The following GAS2L3 variants were observed in gnomAD, a reference collection of about 807,000 sequenced individuals.
GAS2L3 encodes growth arrest specific 2 like 3.
Under a neutral mutation model 37.0 loss-of-function variants are expected in GAS2L3, and 28 were observed. The observed-to-expected ratio is 0.76, with a 90% confidence interval of 0.56 to 1.04. GAS2L3 has a LOEUF of 1.04. Ranked by LOEUF, GAS2L3 falls within the 50% of genes least tolerant of loss-of-function variation. The pLI, the probability that GAS2L3 is intolerant of heterozygous loss-of-function variation, is 0.00. For missense variants in GAS2L3, 793 were observed against 817.6 expected, an observed-to-expected ratio of 0.97 and a Z score of 0.37; for synonymous variants, 290 against 296.6, an observed-to-expected ratio of 0.98 and a Z score of 0.23.
chr12:100,578,773 C>A (rs528004979), intron 1 of GAS2L3: 58 of 577,818 alleles, frequency 1.0e-4, no homozygotes, highest in Non-Finnish European at 1.6e-4. Context: ...GTGGGCATGG[C>A]CAGCCTCCCT....
chr12:100,574,449 C>G (rs928355454), intron 1 of GAS2L3, among the ~76,000 whole-genome samples: 6 of 152,136 alleles, frequency 3.9e-5, no homozygotes, highest in Admixed American at 3.3e-4. Context: ...GAGGACTGCC[C>G]GGGGAGAGGC....
intron 6 of GAS2L3, among the ~76,000 whole-genome samples, chr12:100,613,101 A>G (rs1009319678): frequency 1.3e-5 from 2 of 152,190 alleles, no homozygotes; most frequent in Non-Finnish European, 2.9e-5. Flanking sequence ...TTGACAGTGT[A>G]GTTGATGTAA....
chr12:100,598,276 G>C (rs1244741178), intron 3 of GAS2L3, among the ~76,000 whole-genome samples: 2 of 152,098 alleles, frequency 1.3e-5, no homozygotes, highest in Non-Finnish European at 2.9e-5. Context: ...TGTCTCTTTA[G>C]TTATTAGGCT....
chr12:100,584,114 A>C (rs1955748498), intron 1 of GAS2L3, among the ~76,000 whole-genome samples: 1 of 152,158 alleles, frequency 6.6e-6, no homozygotes, highest in Admixed American at 6.5e-5. Context: ...TACTTCTATC[A>C]ACTCTATTTC....
chr12:100,578,961 C>A, intron 1 of GAS2L3: 1 of 902,520 alleles, frequency 1.1e-6, no homozygotes, highest in South Asian at 1.4e-5. Flanking sequence ...GTCATCCATG[C>A]TTATGGAAAT....
chr12:100,603,513 A>G (rs1184064923), intron 5 of GAS2L3, among the ~76,000 whole-genome samples: 2 of 151,938 alleles, frequency 1.3e-5, no homozygotes, highest in African/African-American at 4.8e-5. Flanking sequence ...GAGTTGTTTG[A>G]GCTCCTTATA....
chr12:100,579,987 C>T (rs1466464087), intron 1 of GAS2L3: 4 of 966,882 alleles, frequency 4.1e-6, no homozygotes, highest in African/African-American at 3.2e-5. Context: ...ACTGGACAGA[C>T]TTATTTCTCA....
rs989002594 is a variant in GAS2L3, at chr12:100,593,392, T to C, written c.-30-1483T>C. The stretch of plus-strand genomic sequence containing the variant: ...AGAAGGATGATTTTAAAAATGTATG[T>C]GAAGACTCTTGCTAAAGTTCAAGTG... On this transcript the variant is annotated intron_variant, in intron 2 of 9. Coordinates refer to ENST00000547754, the MANE Select transcript of GAS2L3 (RefSeq NM_174942.3). Among the ~76,000 whole-genome samples, 3 of 152,304 alleles carry C rather than the reference T, an allele frequency of 2.0e-5. 1 individual carries two copies. The highest frequency in any genetic ancestry group is 2.0e-4 in the Admixed American group (3 of 15,278).
chr12:100,620,091 T>C (rs1003741766), intron 8 of GAS2L3, among the ~76,000 whole-genome samples: 4 of 152,022 alleles, frequency 2.6e-5, no homozygotes, highest in Non-Finnish European at 5.9e-5. Flanking sequence ...TACAAAAATA[T>C]TACTTTTTCA....
rs574188884 is a variant in GAS2L3 at position 100,604,257 on chromosome 12, G to T, written c.303+2504G>T. Among the ~76,000 whole-genome samples, 3 of 151,768 alleles carry T rather than the reference G, an allele frequency of 2.0e-5. No homozygotes were observed. The East Asian group carries it at 5.8e-4, about 29-fold the overall frequency. ...ACATGGAATATTTTTCCATTTTTTG[G>T]TGTCCTCTTCAATTTTTCATTAGTG... On this transcript the variant is annotated intron_variant, in intron 5 of 9. Coordinates refer to ENST00000547754, the MANE Select transcript of GAS2L3 (RefSeq NM_174942.3).
At chr12:100,605,873 A>G (rs1956050072) in intron 5 of GAS2L3, among the ~76,000 whole-genome samples, 1 of 147,094 alleles carries the variant, frequency 6.8e-6, no homozygotes, top group Non-Finnish European at 1.5e-5. Flanking sequence ...ATGTTATTTC[A>G]GGTTTTTTTT....
chr12:100,598,941 T>C (rs77486384), intron 3 of GAS2L3, among the ~76,000 whole-genome samples: 2,886 of 152,294 alleles, frequency 0.019, 76 homozygotes, highest in African/African-American at 0.06. Context: ...TTGCTGCCAC[T>C]CACACCCTGG....
intron 1 of GAS2L3, among the ~76,000 whole-genome samples, chr12:100,583,448 G>T (rs1955738771): frequency 1.3e-5 from 2 of 152,222 alleles, no homozygotes; most frequent in South Asian, 4.1e-4. Flanking sequence ...CAGAGCTGTT[G>T]TCCTGTTAAC....
rs536705267 is a variant in GAS2L3, at chr12:100,579,982, A to T, written c.-152+6197A>T. ...GTGTTGCCAATGGACAAACAACTGGACAGACTTATTTCTCACAGTGGACCA... is the reference window on the plus strand; with the variant it reads ...GTGTTGCCAATGGACAAACAACTGGTCAGACTTATTTCTCACAGTGGACCA... On this transcript the variant is annotated intron_variant, in intron 1 of 9. Coordinates refer to ENST00000547754, the MANE Select transcript of GAS2L3 (RefSeq NM_174942.3). The T allele has an allele frequency of 6.5e-4, 596 of 923,620 alleles. 3 individuals carry two copies. Among genetic ancestry groups the T allele is most frequent in the Middle Eastern group, 2.4e-4 (1 of 4,242 alleles). 57.2% of individuals were successfully genotyped at this position (923,620 alleles called of 1,614,324 possible).
rs1215732350 is a variant in GAS2L3 at position 100,625,948 on chromosome 12, T to C, written c.*1058T>C. On this transcript the variant is annotated 3_prime_UTR_variant, in exon 10 of 10. Coordinates refer to ENST00000547754, the MANE Select transcript of GAS2L3 (RefSeq NM_174942.3). ...AATAAAGTTATGCTGCCTTCAGTTTTCCAATGGCAAGTAGACAGGATATGT... is the reference window on the plus strand; with the variant it reads ...AATAAAGTTATGCTGCCTTCAGTTTCCCAATGGCAAGTAGACAGGATATGT... 6.6e-6 allele frequency: 1 copy of C among 152,200 alleles called. No individual in the cohort carries two copies. 9.4% of individuals were successfully genotyped at this position (152,200 alleles called of 1,614,324 possible).
intron 9 of GAS2L3, among the ~76,000 whole-genome samples, chr12:100,622,766 AAAAAAAAAAAAAAAAAG>A (rs1356947844): frequency 1.4e-5 from 2 of 142,360 alleles, no homozygotes; most frequent in South Asian, 2.2e-4. Flanking sequence ...AAAAAAAAAA[AAAAAAAAAAAAAAAAAG>A]AAAAGAAAGA....
At chr12:100,611,951 T>A in intron 5 of GAS2L3, 49 bp from the exon 6 acceptor site, 1 of 1,286,336 alleles carries the variant, frequency 7.8e-7, no homozygotes, top group East Asian at 2.3e-5. Flanking sequence ...GAATGTTTAA[T>A]GAAAGTATCC....
chr12:100,611,330 T>A (rs1291749207), intron 5 of GAS2L3: 1 of 152,232 alleles, frequency 6.6e-6, no homozygotes, highest in Non-Finnish European at 1.5e-5. Context: ...TTGAACTATG[T>A]GTAGAGAGAC....
chr12:100,602,450 G>A (rs887800339), intron 5 of GAS2L3, among the ~76,000 whole-genome samples: 7 of 151,560 alleles, frequency 4.6e-5, no homozygotes, highest in Non-Finnish European at 1.0e-4. Context: ...GATGATATGT[G>A]TGTATATATA....
Sources: allele counts gnomAD v4.1 joint callset (sites outside exome capture counted in the v4.1 genomes callset), GRCh38; gene constraint gnomAD v4.1.1; transcripts MANE v1.5; gene names NCBI Gene and HGNC (gene_info 2026-07-23, HGNC 2026-07-21).